Variants in SV2B observed in about 807,000 individuals in gnomAD.
The protein encoded by SV2B is solute carrier family 22 member B2.
Under a neutral mutation model 73.9 loss-of-function variants are expected in SV2B, and 41 were observed. That is an observed-to-expected ratio of 0.56 (90% CI 0.43 to 0.72). SV2B has a LOEUF of 0.72. SV2B is among the 30% of genes least tolerant of loss of function. The pLI is 0.00. For synonymous variants in SV2B, 314 were observed against 314.2 expected (o/e 1.00, Z 0.01); for missense variants, 764 against 857.8 (o/e 0.89, Z 1.37).
intron 1 of SV2B, among the ~76,000 whole-genome samples, chr15:91,211,674 T>C (rs561637185): frequency 1.3e-5 from 2 of 152,206 alleles, no homozygotes; most frequent in South Asian, 4.2e-4. Flanking sequence ...CAGCTAATTT[T>C]TGTATTTTTA....
rs2043846935 is a variant in SV2B, at chr15:91,164,681, A to T, written c.-391-61192A>T. Among the ~76,000 whole-genome samples, 5 of 152,366 alleles carry T rather than the reference A, an allele frequency of 3.3e-5. No individual in the cohort carries two copies. In the South Asian group the frequency reaches 1.0e-3, roughly 32 times the overall value. On this transcript the variant is annotated intron_variant, in intron 1 of 12. Transcript: ENST00000394232. ...AGACTATATAAGAATTCTGCCTACCATAATGATATACCACAAATGAAAAAG... is the reference window on the plus strand; with the variant it reads ...AGACTATATAAGAATTCTGCCTACCTTAATGATATACCACAAATGAAAAAG...
At position 91,258,320 on chromosome 15, in the gene SV2B, C is replaced by G. The variant is rs1487970886; in HGVS notation, c.785-101C>G. On this transcript the variant is annotated intron_variant, in intron 4 of 12. Coordinates refer to ENST00000394232, the MANE Select transcript of SV2B (RefSeq NM_001323032.3). The surrounding 1 kb of genome is among the most constrained non-coding windows in gnomAD (Gnocchi z 4.7). ...ATTTTAACCACCTCCCCGGGTGACT[C>G]TCTTGTGCCCTGAAGTTTGTGAGCC... The G allele has an allele frequency of 6.5e-7, 1 of 1,526,770 alleles. No individual in the cohort carries two copies. Among genetic ancestry groups the G allele is most frequent in the Non-Finnish European group, 8.8e-7 (1 of 1,133,678 alleles). The allele number at this position is 1,526,770 out of a possible 1,614,324, so 94.6% of individuals were successfully genotyped here.
At chr15:91,186,240 G>T (rs1435876107) in intron 1 of SV2B, among the ~76,000 whole-genome samples, 1 of 152,148 alleles carries the variant, frequency 6.6e-6, no homozygotes, top group Non-Finnish European at 1.5e-5. Context: ...AGGGCCTCTG[G>T]AGAACTATTT....
rs145325033 is a variant in SV2B at position 91,133,159 on chromosome 15, C to A, written c.-392+32796C>A. 1.4e-3 allele frequency among the ~76,000 whole-genome samples: 212 copies of A among 152,236 alleles called. 1 individual carries two copies. Among genetic ancestry groups the A allele is most frequent in the African/African-American group, 4.9e-3 (203 of 41,554 alleles). ...TAAGCAGTGCAGGTGGAAACTGACA[C>A]CGGTGCATTTGTAGGAATTAAGCAT... On this transcript the variant is annotated intron_variant, in intron 1 of 12. Transcript: ENST00000394232.
At chr15:91,216,126 C>T (rs987795369) in intron 1 of SV2B, among the ~76,000 whole-genome samples, 2 of 152,086 alleles carry the variant, frequency 1.3e-5, no homozygotes, top group Admixed American at 6.5e-5. Flanking sequence ...GTAAGTGGGG[C>T]GAGTGCAGCA....
At chr15:91,155,660 C>T (rs537154754) in intron 1 of SV2B, among the ~76,000 whole-genome samples, 88 of 152,148 alleles carry the variant, frequency 5.8e-4, no homozygotes, top group Admixed American at 2.3e-3. Context: ...CTCTCCGCTG[C>T]TTGTTGCAGG....
intron 11 of SV2B, among the ~76,000 whole-genome samples, chr15:91,287,658 C>G (rs926956409): frequency 1.3e-5 from 2 of 152,204 alleles, no homozygotes; most frequent in African/African-American, 2.4e-5. Context: ...CTGGACTTCT[C>G]CGCCCTGCTG....
Position 91,268,652 on chromosome 15 carries a change from G to A in SV2B, c.1373+47G>A, listed in dbSNP as rs1337569080. On this transcript the variant is annotated intron_variant, in intron 9 of 12. Coordinates refer to ENST00000394232, the MANE Select transcript of SV2B (RefSeq NM_001323032.3). The surrounding 1 kb of genome is among the most constrained non-coding windows in gnomAD (Gnocchi z 4.4). ...TCCCTCACATCAGGGTGACAGTCGT[G>A]GGGACTGTTATTGGGAGGGAGCCGG... The A allele has an allele frequency of 6.3e-7, 1 of 1,587,734 alleles. No homozygotes were observed. The highest frequency in any genetic ancestry group is 1.1e-5 in the South Asian group (1 of 88,884).
At chr15:91,248,033 G>T (rs1210497662) in intron 2 of SV2B, among the ~76,000 whole-genome samples, 1 of 152,120 alleles carries the variant, frequency 6.6e-6, no homozygotes, top group Non-Finnish European at 1.5e-5. Context: ...TGATCCATGT[G>T]TACAATGTCA....
intron 1 of SV2B, among the ~76,000 whole-genome samples, chr15:91,185,465 A>G (rs1283762062): frequency 1.3e-5 from 2 of 152,178 alleles, no homozygotes; most frequent in Admixed American, 6.5e-5. Flanking sequence ...CGCTGTCTCC[A>G]TCACATTGAT....
intron 1 of SV2B, among the ~76,000 whole-genome samples, chr15:91,213,854 T>C (rs1306065762): frequency 6.6e-6 from 1 of 152,186 alleles, no homozygotes; most frequent in East Asian, 1.9e-4. Context: ...TTTCATTTCA[T>C]TCAAAAGGAT....
intron 1 of SV2B, among the ~76,000 whole-genome samples, chr15:91,181,575 C>T (rs1184747006): frequency 6.6e-6 from 1 of 151,578 alleles, no homozygotes; most frequent in Non-Finnish European, 1.5e-5. Flanking sequence ...CCTCCTTACT[C>T]AGAGTCATGT....
chr15:91,230,056 C>T (rs1215654395), intron 2 of SV2B, among the ~76,000 whole-genome samples: 25 of 152,022 alleles, frequency 1.6e-4, no homozygotes, highest in Admixed American at 1.4e-3. Context: ...GCCTGGGCAA[C>T]ATGGTGAAAC....
rs1248860090 is a variant in SV2B at position 91,240,527 on chromosome 15, G to C, written c.452-11292G>C. ...AGCCAACATTTTAATAAAGAAAAAG[G>C]CTAAAAAACCCCAAAAAACCAAGAT... On this transcript the variant is annotated intron_variant, in intron 2 of 12. Transcript: ENST00000394232. The surrounding 1 kb of genome is among the most constrained non-coding windows in gnomAD (Gnocchi z 4.6). Among the ~76,000 whole-genome samples the C allele has an allele frequency of 6.6e-6, 1 of 151,902 alleles. No individual in the cohort carries two copies. The highest frequency in any genetic ancestry group is 2.4e-5 in the African/African-American group (1 of 41,340).
At chr15:91,277,949 C>T (rs562422349) in intron 9 of SV2B, among the ~76,000 whole-genome samples, 4 of 152,272 alleles carry the variant, frequency 2.6e-5, no homozygotes, top group Admixed American at 1.3e-4. Flanking sequence ...GATTTCACCA[C>T]TCAGGTATCT....
intron 1 of SV2B, among the ~76,000 whole-genome samples, chr15:91,191,857 A>G (rs375703537): frequency 6.6e-6 from 1 of 152,184 alleles, no homozygotes; most frequent in African/African-American, 2.4e-5. Flanking sequence ...TTATTACTCT[A>G]TCTCATTTTC....
intron 1 of SV2B, among the ~76,000 whole-genome samples, chr15:91,145,062 T>G (rs2141199182): frequency 6.6e-6 from 1 of 152,304 alleles, no homozygotes; most frequent in South Asian, 2.1e-4. Flanking sequence ...TGGGGGTTGT[T>G]GTACAGATTA....
intron 1 of SV2B, among the ~76,000 whole-genome samples, chr15:91,153,393 C>G (rs565616695): frequency 6.6e-6 from 1 of 152,080 alleles, no homozygotes. Context: ...TCTGGCTGCT[C>G]GGCCACAGGC....
At chr15:91,191,611 G>T (rs930593894) in intron 1 of SV2B, among the ~76,000 whole-genome samples, 1 of 152,138 alleles carries the variant, frequency 6.6e-6, no homozygotes, top group African/African-American at 2.4e-5. Flanking sequence ...ACTCAGCTCT[G>T]TATTGAAGTC....
Sources: gnomAD v4.1 joint callset for allele counts (sites outside exome capture counted in the v4.1 genomes callset) on GRCh38, gnomAD v4.1.1 for gene constraint, Gnocchi (gnomAD v3.1) non-coding constraint, MANE v1.5 for transcripts, NCBI Gene and HGNC (gene_info 2026-07-23, HGNC 2026-07-21) for gene names.